Variants in DGKI observed in about 807,000 individuals in gnomAD.
DGKI encodes the protein diacylglycerol kinase iota.
A neutral mutation model predicts 147.5 loss-of-function variants in DGKI; 55 were observed. The ratio of observed to expected loss-of-function variants is 0.37; its 90% confidence interval spans 0.30 to 0.47. The LOEUF (loss-of-function observed/expected upper bound fraction) is 0.47, where lower values mean the gene tolerates loss of function less well. DGKI is among the 20% of genes least tolerant of loss of function. DGKI has a pLI of 1.00. For missense variants in DGKI, 1,007 were observed against 1,323.8 expected, an observed-to-expected ratio of 0.76 and a Z score of 3.71; for synonymous variants, 469 against 477.1, an observed-to-expected ratio of 0.98 and a Z score of 0.22.
chr7:137,811,016 A>G (rs1032334768), intron 1 of DGKI, among the ~76,000 whole-genome samples: 1 of 152,198 alleles, frequency 6.6e-6, no homozygotes, highest in African/African-American at 2.4e-5. Context: ...GATCAAGCTC[A>G]TGCATCAGCC....
intron 20 of DGKI, among the ~76,000 whole-genome samples, chr7:137,524,513 T>TTTACGCAA (rs1817074023): frequency 6.6e-6 from 1 of 151,804 alleles, no homozygotes; most frequent in East Asian, 1.9e-4. Flanking sequence ...GAGGAAAAAA[T>TTTACGCAA]TTACGCAATT....
intron 30 of DGKI, among the ~76,000 whole-genome samples, chr7:137,404,550 T>A (rs1020587890): frequency 6.6e-6 from 1 of 152,162 alleles, no homozygotes; most frequent in South Asian, 2.1e-4. Context: ...AAGAGATGGA[T>A]TGTGCTCTCC....
intron 2 of DGKI, among the ~76,000 whole-genome samples, chr7:137,682,546 T>C (rs1049223615): frequency 6.6e-5 from 10 of 152,238 alleles, no homozygotes; most frequent in African/African-American, 2.4e-4. Flanking sequence ...TTGCTATTAC[T>C]CTCTAGTTTC....
chr7:137,587,691 A>G (rs1272557291), intron 12 of DGKI, among the ~76,000 whole-genome samples: 2 of 152,222 alleles, frequency 1.3e-5, no homozygotes, highest in Non-Finnish European at 2.9e-5. Flanking sequence ...TTAAACTAAA[A>G]TGTACATAAA....
intron 5 of DGKI, among the ~76,000 whole-genome samples, chr7:137,653,854 G>A (rs1052705658): frequency 1.3e-5 from 2 of 152,188 alleles, no homozygotes; most frequent in African/African-American, 4.8e-5. Flanking sequence ...GCTAATGTTT[G>A]GGAGGCAGTG....
At position 137,532,204 on chromosome 7, in the gene DGKI, G is replaced by A. The variant is rs561084426; in HGVS notation, c.2148-10238C>T. 5.3e-5 allele frequency among the ~76,000 whole-genome samples: 8 copies of A among 152,204 alleles called. No individual in the cohort carries two copies. The South Asian group carries it at 8.3e-4, about 16-fold the overall frequency. ...GAATGGAATGTATGAGCTACAGGAC[G>A]CATTACTACTGAAAAGCTACTCTAC... On this transcript the variant is annotated intron_variant, in intron 20 of 32. Coordinates refer to ENST00000614521, the MANE Select transcript of DGKI (RefSeq NM_001321708.2).
chr7:137,611,207 A>G lies in DGKI; in HGVS notation c.994-1598T>C, dbSNP rs544747551. On this transcript the variant is annotated intron_variant, in intron 8 of 32. Coordinates refer to ENST00000614521, the MANE Select transcript of DGKI (RefSeq NM_001321708.2). ...ATTTGGAATCATTAATCATTTAATC[A>G]GCCAAATGATCTAAGAAGAATGCTA... is the stretch of plus-strand genomic sequence containing the variant. 2.0e-5 allele frequency among the ~76,000 whole-genome samples: 3 copies of G among 152,338 alleles called. No individual in the cohort carries two copies. The South Asian group carries it at 6.2e-4, about 32-fold the overall frequency.
intron 1 of DGKI, among the ~76,000 whole-genome samples, chr7:137,789,530 C>G (rs1187354931): frequency 6.6e-6 from 1 of 151,934 alleles, no homozygotes; most frequent in Admixed American, 6.6e-5. Flanking sequence ...TATAAATAAC[C>G]TGGGTAATTA....
At chr7:137,480,319 C>A (rs1815328658) in intron 23 of DGKI, among the ~76,000 whole-genome samples, 1 of 152,144 alleles carries the variant, frequency 6.6e-6, no homozygotes, top group African/African-American at 2.4e-5. Flanking sequence ...ACTCTCTAAA[C>A]CTTGTCCCAC....
At chr7:137,794,525 G>A (rs1325208636) in intron 1 of DGKI, among the ~76,000 whole-genome samples, 1 of 152,210 alleles carries the variant, frequency 6.6e-6, no homozygotes, top group East Asian at 1.9e-4. Context: ...TTTAATGTGT[G>A]CATAAATCAC....
At chr7:137,499,560 C>T (rs1816097303) in intron 21 of DGKI, among the ~76,000 whole-genome samples, 1 of 152,086 alleles carries the variant, frequency 6.6e-6, no homozygotes, top group Non-Finnish European at 1.5e-5. Flanking sequence ...AAAGTGAATT[C>T]TTTCTTCTTG....
chr7:137,662,240 C>CT (rs1170356266), intron 3 of DGKI, among the ~76,000 whole-genome samples: 4,466 of 126,400 alleles, frequency 0.035, 240 homozygotes, highest in African/African-American at 0.1. Flanking sequence ...CAGCACACTC[C>CT]TTTTTTTTTT....
chr7:137,828,979 C>T (rs1017598954), intron 1 of DGKI, among the ~76,000 whole-genome samples: 2 of 152,164 alleles, frequency 1.3e-5, no homozygotes, highest in African/African-American at 4.8e-5. Flanking sequence ...CTTGAATGAT[C>T]CTCTTACCCA....
intron 1 of DGKI, among the ~76,000 whole-genome samples, chr7:137,742,142 GAA>G (rs2116711262): frequency 6.6e-6 from 1 of 152,110 alleles, no homozygotes; most frequent in South Asian, 2.1e-4. Flanking sequence ...TTCCAAACAG[GAA>G]AAGAGATAAA....
At chr7:137,431,434 T>C (rs561569453) in intron 28 of DGKI, among the ~76,000 whole-genome samples, 114 of 152,270 alleles carry the variant, frequency 7.5e-4, no homozygotes, top group African/African-American at 2.6e-3. Flanking sequence ...TAGTATTTTG[T>C]TCCCTTGCCA....
At chr7:137,445,687 A>C (rs1180627050) in intron 27 of DGKI, among the ~76,000 whole-genome samples, 1 of 152,184 alleles carries the variant, frequency 6.6e-6, no homozygotes, top group African/African-American at 2.4e-5. Context: ...CTTCCCAAAA[A>C]GTCATCATGT....
chr7:137,754,908 G>C (rs974184033), intron 1 of DGKI, among the ~76,000 whole-genome samples: 4 of 152,142 alleles, frequency 2.6e-5, no homozygotes, highest in African/African-American at 7.2e-5. Flanking sequence ...ACACGTGATG[G>C]AACTTTCAGG....
intron 19 of DGKI, among the ~76,000 whole-genome samples, chr7:137,567,700 G>T (rs566872737): frequency 4.6e-5 from 7 of 152,284 alleles, no homozygotes; most frequent in African/African-American, 1.7e-4. Context: ...AATGATATTT[G>T]TGAGACAACT....
At position 137,644,012 on chromosome 7, in the gene DGKI, A is replaced by C. The variant is rs187369508; in HGVS notation, c.804+1460T>G. Among the ~76,000 whole-genome samples the C allele has an allele frequency of 3.6e-3, 541 of 152,274 alleles. 3 individuals carry two copies. Among genetic ancestry groups the C allele is most frequent in the Non-Finnish European group, 5.2e-3 (356 of 68,016 alleles). On this transcript the variant is annotated intron_variant, in intron 6 of 32. Coordinates refer to ENST00000614521, the MANE Select transcript of DGKI (RefSeq NM_001321708.2). ...GCAGCATACTGTTACCCTCACATGC[A>C]TGCACACACACACACATGCACACTT... is the stretch of plus-strand genomic sequence containing the variant.
Sources: allele counts gnomAD v4.1 joint callset (sites outside exome capture counted in the v4.1 genomes callset), GRCh38; gene constraint gnomAD v4.1.1; transcripts MANE v1.5; gene names NCBI Gene and HGNC (gene_info 2026-07-23, HGNC 2026-07-21).